Variants in GOLGA1 observed in about 807,000 individuals in gnomAD.
The protein encoded by GOLGA1 is golgin A1.
Under a neutral mutation model 119.7 loss-of-function variants are expected in GOLGA1, and 63 were observed. The observed-to-expected ratio is 0.53, with a 90% confidence interval of 0.43 to 0.65. The LOEUF is 0.65. GOLGA1 is among the 30% of genes least tolerant of loss of function. GOLGA1 has a pLI of 0.00. For synonymous variants in GOLGA1, 318 were observed against 333.4 expected, an observed-to-expected ratio of 0.95 and a Z score of 0.50; for missense variants, 798 against 912.8, an observed-to-expected ratio of 0.87 and a Z score of 1.62.
intron 6 of GOLGA1, 79 bp downstream of exon 6, chr9:124,928,109 G>C (rs1447622263): frequency 3.2e-5 from 20 of 629,072 alleles, no homozygotes; most frequent in Non-Finnish European, 5.1e-5. Flanking sequence ...ATTTTCTATA[G>C]GTTATGTCAT....
At chr9:124,938,495 A>G in intron 3 of GOLGA1, 82 bp downstream of exon 3, 1 of 1,146,612 alleles carries the variant, frequency 8.7e-7, no homozygotes, top group Non-Finnish European at 1.3e-6. Flanking sequence ...CATGAAAGGT[A>G]TGAAATAATC....
chr9:124,929,748 T>C (rs952690118), intron 4 of GOLGA1, among the ~76,000 whole-genome samples: 17 of 152,162 alleles, frequency 1.1e-4, no homozygotes, highest in Non-Finnish European at 8.8e-5. Flanking sequence ...AGGTGCAGCA[T>C]TGTCTTTATA....
At chr9:124,916,020 T>TGA (rs1830435002) in intron 10 of GOLGA1, among the ~76,000 whole-genome samples, 1 of 141,188 alleles carries the variant, frequency 7.1e-6, no homozygotes. Context: ...GAGAATCACT[T>TGA]GAACCTGGGA....
In GOLGA1 at chr9:124,889,233, C is replaced by T. The variant is rs773838988; in HGVS notation, c.1671G>A (p.Ala557=). ...AELEALRTLK[A]EEAAVVAEQE... Reference sequence around the variant, plus strand: ...GCTCCGCGACCACTGCAGCCTCCTCCGCCTTGAGGGTCCTCAGGGCCTCCA... The same window carrying T: ...GCTCCGCGACCACTGCAGCCTCCTCTGCCTTGAGGGTCCTCAGGGCCTCCA... The change falls in exon 18 of 23, where the codon GCG becomes GCA. Residue 557 remains alanine (A), a synonymous_variant. Transcript: ENST00000373555. 140 of 1,613,418 alleles carry T rather than the reference C, an allele frequency of 8.7e-5. No homozygotes were observed. The highest frequency in any genetic ancestry group is 1.3e-4 in the Admixed American group (8 of 60,002).
chr9:124,895,949 T>C (rs185755503), intron 15 of GOLGA1, among the ~76,000 whole-genome samples: 3 of 143,504 alleles, frequency 2.1e-5, no homozygotes, highest in African/African-American at 7.7e-5. Flanking sequence ...AGACCCTCTA[T>C]AACAGAGAAC....
chr9:124,903,791 C>T (rs1001024093), intron 12 of GOLGA1, among the ~76,000 whole-genome samples: 1 of 152,048 alleles, frequency 6.6e-6, no homozygotes, highest in African/African-American at 2.4e-5. Context: ...TGGCTCATAC[C>T]TGTAATCCCA....
Position 124,881,269 on chromosome 9 carries a change from TAA to T in GOLGA1, c.2137-14_2137-13del, listed in dbSNP as rs1564317787. The T allele has an allele frequency of 6.5e-7, 1 of 1,540,726 alleles. No individual in the cohort carries two copies. The highest frequency in any genetic ancestry group is 9.0e-7 in the Non-Finnish European group (1 of 1,112,920). On this transcript the variant is annotated splice_polypyrimidine_tract_variant and intron_variant, in intron 21 of 22. Coordinates refer to ENST00000373555, the MANE Select transcript of GOLGA1 (RefSeq NM_002077.4). This position sits in a 1 kb window ranked among gnomAD's most constrained non-coding sequence, Gnocchi z 4.9. ...ATAAGATGAAAAGCCTGAAACACAG[TAA>T]GTTTTGCTGCCATAGGCCTTGGTGA...
rs775480374 is a variant in GOLGA1 at position 124,938,555 on chromosome 9, TTTC to T, written c.135+19_135+21del. On this transcript the variant is annotated intron_variant, in intron 3 of 22. Transcript: ENST00000373555. ...AGAATACCCTGCAAAAGTATCTTTA[TTTC>T]TTAAGTAAAGGTACTTACAAAGTCA... 65 of 1,580,538 alleles carry T rather than the reference TTTC, an allele frequency of 4.1e-5. No homozygotes were observed. In the African/African-American group the frequency reaches 8.5e-4, roughly 21 times the overall value.
intron 8 of GOLGA1, among the ~76,000 whole-genome samples, chr9:124,922,484 G>A (rs1015742549): frequency 1.3e-5 from 2 of 149,494 alleles, no homozygotes; most frequent in Admixed American, 6.7e-5. Flanking sequence ...CTGGGAGGTC[G>A]AGGCTGCAGT....
chr9:124,901,189 T>G (rs1830097486), intron 12 of GOLGA1, among the ~76,000 whole-genome samples: 1 of 151,858 alleles, frequency 6.6e-6, no homozygotes, highest in African/African-American at 2.4e-5. Context: ...GCCAGGATGG[T>G]CTTGATCTCC....
Position 124,889,371 on chromosome 9 carries a change from G to A in GOLGA1, c.1600+63C>T, listed in dbSNP as rs547112933. On this transcript the variant is annotated intron_variant, in intron 17 of 22. Transcript: ENST00000373555. ...CTCCATGCTGCTTGGTGGCAAGGCC[G>A]TCACAAGGCAGGATGCTGGGCCTGA... 9.3e-5 allele frequency: 148 copies of A among 1,593,418 alleles called. 1 individual carries two copies. In the Middle Eastern group the frequency reaches 1.3e-3, roughly 14 times the overall value.
chr9:124,942,497 T>C (rs1013254944), upstream of GOLGA1: 2 of 152,174 alleles, frequency 1.3e-5, no homozygotes, highest in African/African-American at 4.8e-5. Context: ...GATTCAAACA[T>C]TGACAAACTA....
At chr9:124,925,348 T>A (rs905543989) in intron 7 of GOLGA1, among the ~76,000 whole-genome samples, 1 of 137,316 alleles carries the variant, frequency 7.3e-6, no homozygotes, top group Non-Finnish European at 1.5e-5. Context: ...ATTAATAGCA[T>A]ATGGTTGAGG....
chr9:124,920,209 T>C (rs1363819020), intron 10 of GOLGA1, among the ~76,000 whole-genome samples: 2 of 151,912 alleles, frequency 1.3e-5, no homozygotes, highest in East Asian at 3.9e-4. Context: ...AGCCTTGAAT[T>C]CCTGGGCTTA....
chr9:124,930,628 T>C (rs1830754439), intron 4 of GOLGA1, among the ~76,000 whole-genome samples: 1 of 152,180 alleles, frequency 6.6e-6, no homozygotes, highest in East Asian at 1.9e-4. Context: ...TCCAATAAAA[T>C]GGGCATTAAA....
chr9:124,911,829 T>G, intron 11 of GOLGA1, 72 bp downstream of exon 11: 1 of 1,367,192 alleles, frequency 7.3e-7, no homozygotes, highest in East Asian at 2.3e-5. Flanking sequence ...TCTGAAACTC[T>G]AGGAATTGTG....
intron 3 of GOLGA1, among the ~76,000 whole-genome samples, chr9:124,937,563 G>C (rs1023272469): frequency 2.0e-5 from 3 of 151,076 alleles, no homozygotes; most frequent in Non-Finnish European, 4.4e-5. Context: ...CCCGGGAGGT[G>C]GAGGATGCAA....
At chr9:124,922,978 T>C (rs947765591) in intron 8 of GOLGA1, 117 bp downstream of exon 8, 4 of 624,636 alleles carry the variant, frequency 6.4e-6, no homozygotes, top group African/African-American at 5.8e-5. Context: ...ATATCAAATA[T>C]GATTAATATC....
At chr9:124,937,862 C>T (rs1830908163) in intron 3 of GOLGA1, among the ~76,000 whole-genome samples, 1 of 151,936 alleles carries the variant, frequency 6.6e-6, no homozygotes, top group South Asian at 2.1e-4. Context: ...GTGGGCGGAT[C>T]GCCTGAGCTC....
Sources: gnomAD v4.1 joint callset for allele counts (sites outside exome capture counted in the v4.1 genomes callset) on GRCh38, gnomAD v4.1.1 for gene constraint, Gnocchi (gnomAD v3.1) non-coding constraint, MANE v1.5 for transcripts, NCBI Gene and HGNC (gene_info 2026-07-23, HGNC 2026-07-21) for gene names.